The following FRK variants were observed in gnomAD, a reference collection of about 807,000 sequenced individuals.
FRK encodes fyn related Src family tyrosine kinase.
Under a neutral mutation model 56.4 loss-of-function variants are expected in FRK, and 51 were observed. The observed-to-expected ratio is 0.90, with a 90% confidence interval of 0.72 to 1.14. The LOEUF (loss-of-function observed/expected upper bound fraction) is 1.14. FRK is among the 50% of genes most tolerant of loss of function. The probability of loss-of-function intolerance (pLI) is 0.00; values close to 1 mark genes in which losing one functional copy is unlikely to be tolerated. For missense variants in FRK, 570 were observed against 601.4 expected, an observed-to-expected ratio of 0.95 and a Z score of 0.55; for synonymous variants, 245 against 217.9, an observed-to-expected ratio of 1.12 and a Z score of -1.10.
At chr6:116,032,176 A>G (rs1044409598) in intron 1 of FRK, among the ~76,000 whole-genome samples, 1 of 152,112 alleles carries the variant, frequency 6.6e-6, no homozygotes, top group Non-Finnish European at 1.5e-5. Flanking sequence ...TTCTGAGAAG[A>G]TCAACACAGG....
At chr6:115,943,281 G>A in intron 6 of FRK, 96 bp from the exon 7 acceptor site, 1 of 851,168 alleles carries the variant, frequency 1.2e-6, no homozygotes. Context: ...AAAATTTAGA[G>A]AGAAAAGATT....
intron 1 of FRK, among the ~76,000 whole-genome samples, chr6:116,005,162 G>T (rs1445926530): frequency 6.6e-6 from 1 of 152,096 alleles, no homozygotes; most frequent in Non-Finnish European, 1.5e-5. Flanking sequence ...ACAAATGCAG[G>T]GTGTTCGTTT....
At chr6:115,999,665 G>A (rs1774974433) in intron 2 of FRK, among the ~76,000 whole-genome samples, 1 of 152,194 alleles carries the variant, frequency 6.6e-6, no homozygotes, top group African/African-American at 2.4e-5. Context: ...CAGCAAAATT[G>A]AAGACCATCA....
intron 1 of FRK, among the ~76,000 whole-genome samples, chr6:116,021,099 T>C (rs1562289818): frequency 6.6e-6 from 1 of 151,920 alleles, no homozygotes; most frequent in Non-Finnish European, 1.5e-5. Flanking sequence ...AAAAGATGAA[T>C]TATAAATGTT....
rs1773633791 is a variant in FRK at position 115,967,597 on chromosome 6, A to C, written c.753T>G (p.Gly251=). 1 of 1,613,790 alleles carries C rather than the reference A, an allele frequency of 6.2e-7. No individual in the cohort carries two copies. The highest frequency in any genetic ancestry group is 1.7e-5 in the Admixed American group (1 of 59,998). ...CTACTGGAGTGGTATTGTTCCACAG[A>C]CCTTCCCATACTTCGCCAAACTGAC... ...GSGQFGEVWE[G]LWNNTTPVAV... Residue 251 remains glycine, a synonymous_variant, in exon 4 of 8, where the codon GGT becomes GGG. Transcript: ENST00000606080.
chr6:116,089,890 A>C, the FRK span, among the ~76,000 whole-genome samples: 1 of 152,222 alleles, frequency 6.6e-6, no homozygotes, highest in African/African-American at 2.4e-5. Flanking sequence ...TGAAGGAAAA[A>C]AAAAATACTA....
At chr6:116,061,868 T>C (rs888731810), upstream of FRK, among the ~76,000 whole-genome samples, 1 of 151,874 alleles carries the variant, frequency 6.6e-6, no homozygotes, top group African/African-American at 2.4e-5. Context: ...TAGTACAAGC[T>C]CATAACTTCT....
chr6:116,088,888 A>C, the FRK span, among the ~76,000 whole-genome samples: 1 of 152,234 alleles, frequency 6.6e-6, no homozygotes, highest in Non-Finnish European at 1.5e-5. Context: ...GAAGTTATGC[A>C]CTTAAGACTG....
At chr6:116,044,699 A>G (rs1776867982) in intron 1 of FRK, among the ~76,000 whole-genome samples, 1 of 152,166 alleles carries the variant, frequency 6.6e-6, no homozygotes, top group Non-Finnish European at 1.5e-5. Context: ...TCTCTCACCA[A>G]TCCTATTCAA....
intron 2 of FRK, among the ~76,000 whole-genome samples, chr6:115,971,097 ACTT>A (rs1429039683): frequency 6.6e-6 from 1 of 152,162 alleles, no homozygotes; most frequent in Admixed American, 6.5e-5. Context: ...TGTGTATCAC[ACTT>A]CAATTTAAAA....
chr6:116,008,457 A>G (rs927344644), intron 1 of FRK, among the ~76,000 whole-genome samples: 2 of 152,240 alleles, frequency 1.3e-5, no homozygotes, highest in South Asian at 2.1e-4. Flanking sequence ...AGTGAAGAAT[A>G]TAAGTTTAAA....
At chr6:116,047,292 C>T (rs1031502581) in intron 1 of FRK, among the ~76,000 whole-genome samples, 3 of 151,836 alleles carry the variant, frequency 2.0e-5, no homozygotes, top group Non-Finnish European at 4.4e-5. Flanking sequence ...AATCTGATGC[C>T]GTAGAAAGGG....
At chr6:115,966,117 TA>T (rs1182207443) in intron 4 of FRK, among the ~76,000 whole-genome samples, 1 of 149,572 alleles carries the variant, frequency 6.7e-6, no homozygotes, top group Non-Finnish European at 1.5e-5. Context: ...AACAATTTAA[TA>T]GCCATTTGAA....
At chr6:115,954,340 T>C (rs1251783497) in intron 5 of FRK, among the ~76,000 whole-genome samples, 2 of 152,212 alleles carry the variant, frequency 1.3e-5, no homozygotes, top group Admixed American at 6.5e-5. Flanking sequence ...ATTTTAACTG[T>C]ATCTCTCTAG....
intron 1 of FRK, among the ~76,000 whole-genome samples, chr6:116,030,476 A>T (rs1776263861): frequency 6.6e-6 from 1 of 151,944 alleles, no homozygotes; most frequent in African/African-American, 2.4e-5. Context: ...GGGTGATAGG[A>T]GCATCTTTTG....
At chr6:115,971,764 C>T (rs1773813699) in intron 2 of FRK, among the ~76,000 whole-genome samples, 1 of 152,224 alleles carries the variant, frequency 6.6e-6, no homozygotes, top group African/African-American at 2.4e-5. Context: ...CGAATCTTCT[C>T]TCCTTCCCCA....
In FRK at chr6:116,000,223, C is replaced by CTTTCTTTTTTTT. The variant is rs1775002178; in HGVS notation, c.466+3653_466+3654insAAAAAAAAGAAA. On this transcript the variant is annotated intron_variant, in intron 2 of 7. Transcript: ENST00000606080. ...TTTCCTCATGAAAATATCATTCTTT[C>CTTTCTTTTTTTT]TTTTTTTTTTTTTTTTTTTTTTTTT... Among the ~76,000 whole-genome samples, 4 of 53,110 alleles carry CTTTCTTTTTTTT rather than the reference C, an allele frequency of 7.5e-5. 1 individual carries two copies. Among genetic ancestry groups the CTTTCTTTTTTTT allele is most frequent in the East Asian group, 3.5e-4 (1 of 2,822 alleles). The allele number at this position is 53,110 out of a possible 152,430, so 34.8% of individuals were successfully genotyped here.
At chr6:116,011,619 C>A (rs545462370) in intron 1 of FRK, among the ~76,000 whole-genome samples, 1 of 152,284 alleles carries the variant, frequency 6.6e-6, no homozygotes, top group Admixed American at 6.5e-5. Context: ...ATCACAGTTA[C>A]ACATGTTATA....
At chr6:115,943,647 A>G (rs1443248953) in intron 6 of FRK, among the ~76,000 whole-genome samples, 1 of 152,158 alleles carries the variant, frequency 6.6e-6, no homozygotes, top group Admixed American at 6.6e-5. Context: ...TGGGGTACTA[A>G]TTAATTTACA....
Sources: allele counts gnomAD v4.1 joint callset (sites outside exome capture counted in the v4.1 genomes callset), GRCh38; gene constraint gnomAD v4.1.1; transcripts MANE v1.5; gene names NCBI Gene and HGNC (gene_info 2026-07-23, HGNC 2026-07-21).